Variants in STAG1 observed in about 807,000 individuals in gnomAD.
The protein encoded by STAG1 is STAG1 cohesin complex component.
A neutral mutation model predicts 170.9 loss-of-function variants in STAG1; 26 were observed. That is an observed-to-expected ratio of 0.15 (90% CI 0.11 to 0.21). STAG1 has a LOEUF of 0.21. Ranked by LOEUF, STAG1 falls within the 10% of genes least tolerant of loss-of-function variation. The pLI is 1.00. For missense variants in STAG1, 964 were observed against 1,509.5 expected (o/e 0.64, Z 5.99); for synonymous variants, 514 against 497.7 (o/e 1.03, Z -0.44).
At chr3:136,663,283 T>C (rs929751459) in intron 1 of STAG1, among the ~76,000 whole-genome samples, 10 of 152,172 alleles carry the variant, frequency 6.6e-5, no homozygotes, top group African/African-American at 1.9e-4. Context: ...TCCTAAGAAC[T>C]TTCTTTATAT....
chr3:136,339,576 C>A (rs1016658568), intron 32 of STAG1, among the ~76,000 whole-genome samples: 1 of 152,128 alleles, frequency 6.6e-6, no homozygotes, highest in African/African-American at 2.4e-5. Flanking sequence ...TTTATTATGG[C>A]AGCCTTAGAA....
At chr3:136,460,330 G>A (rs1040756988) in intron 13 of STAG1, among the ~76,000 whole-genome samples, 4 of 152,112 alleles carry the variant, frequency 2.6e-5, no homozygotes, top group East Asian at 3.8e-4. Flanking sequence ...TGCCGGGCAC[G>A]GTGGCTCACG....
At chr3:136,424,854 C>G (rs927057931) in intron 16 of STAG1, among the ~76,000 whole-genome samples, 2 of 151,902 alleles carry the variant, frequency 1.3e-5, no homozygotes, top group African/African-American at 4.8e-5. Context: ...TTCATTATTT[C>G]TTTTTTGATG....
chr3:136,337,716 T>TGTG lies in STAG1; in HGVS notation c.*535_*537dup, dbSNP rs1935749578. The TGTG allele has an allele frequency of 6.5e-6, 1 of 152,726 alleles. No homozygotes were observed. The highest frequency in any genetic ancestry group is 1.5e-5 in the Non-Finnish European group (1 of 68,094). The allele number at this position is 152,726 out of a possible 1,614,324, so 9.5% of individuals were successfully genotyped here. A position where few individuals can be genotyped will look rare whatever the true frequency, so the allele number is the denominator to read the frequency against. On this transcript the variant is annotated 3_prime_UTR_variant, in exon 34 of 34. Coordinates refer to ENST00000383202, the MANE Select transcript of STAG1 (RefSeq NM_005862.3). Reference sequence around the variant, plus strand: ...GTCAATGTTCTGCTCCTTCATTATTTGTGTTCCACAAAGGTCAACCAAATC... The same window carrying TGTG: ...GTCAATGTTCTGCTCCTTCATTATTTGTGGTGTTCCACAAAGGTCAACCAAATC...
intron 5 of STAG1, among the ~76,000 whole-genome samples, chr3:136,556,507 C>A (rs1261402109): frequency 6.6e-6 from 1 of 152,126 alleles, no homozygotes; most frequent in Admixed American, 6.6e-5. Context: ...TGCTAACATA[C>A]ATACAGATTC....
In STAG1 at chr3:136,484,251, G is replaced by T. The variant is rs182233391; in HGVS notation, c.903-6839C>A. Among the ~76,000 whole-genome samples, 251 of 152,130 alleles carry T rather than the reference G, an allele frequency of 1.6e-3. 3 individuals carry two copies. The East Asian group carries it at 0.043, about 26-fold the overall frequency. On this transcript the variant is annotated intron_variant, in intron 9 of 33. Coordinates refer to ENST00000383202, the MANE Select transcript of STAG1 (RefSeq NM_005862.3). ...TTTGATGATGGTGATGTACAGATGG[G>T]TTTTCTGTTAGATGTCCTTTCTGGT... is the stretch of plus-strand genomic sequence containing the variant.
At chr3:136,734,960 G>A (rs540917744) in intron 1 of STAG1, among the ~76,000 whole-genome samples, 1 of 151,986 alleles carries the variant, frequency 6.6e-6, no homozygotes, top group Non-Finnish European at 1.5e-5. Flanking sequence ...CAGTGAACTC[G>A]TCCTCTCCAC....
intron 1 of STAG1, among the ~76,000 whole-genome samples, chr3:136,681,675 T>A (rs2107887426): frequency 6.6e-6 from 1 of 152,250 alleles, no homozygotes; most frequent in Middle Eastern, 3.4e-3. Flanking sequence ...CAACCTCATA[T>A]TAAAAAGACT....
At chr3:136,554,732 A>G (rs1936539454) in intron 5 of STAG1, among the ~76,000 whole-genome samples, 1 of 152,038 alleles carries the variant, frequency 6.6e-6, no homozygotes, top group Admixed American at 6.6e-5. Flanking sequence ...GTCTCTAAAA[A>G]AGAAAAAAGA....
At chr3:136,731,844 T>A (rs539731521) in intron 1 of STAG1, among the ~76,000 whole-genome samples, 1 of 152,132 alleles carries the variant, frequency 6.6e-6, no homozygotes. Flanking sequence ...TATCTAAATA[T>A]CAACATTTTA....
chr3:136,595,550 G>A lies in STAG1; in HGVS notation c.297+8759C>T, dbSNP rs576702730. On this transcript the variant is annotated intron_variant, in intron 4 of 33. Coordinates refer to ENST00000383202, the MANE Select transcript of STAG1 (RefSeq NM_005862.3). The stretch of plus-strand genomic sequence containing the variant: ...CTACTGAAAATACAAAACTGCGGGC[G>A]CCTGCAGTCCCAGCTGCTCAGGAGG... Among the ~76,000 whole-genome samples the A allele has an allele frequency of 3.5e-4, 53 of 151,918 alleles. 1 individual carries two copies. The highest frequency in any genetic ancestry group is 1.1e-3 in the African/African-American group (47 of 41,448).
intron 13 of STAG1, among the ~76,000 whole-genome samples, chr3:136,462,131 G>T (rs975920649): frequency 6.6e-6 from 1 of 152,038 alleles, no homozygotes; most frequent in Non-Finnish European, 1.5e-5. Context: ...GTGGAAAACA[G>T]TATGGAAGTT....
chr3:136,399,450 C>T (rs937083822), intron 21 of STAG1, among the ~76,000 whole-genome samples: 2 of 152,028 alleles, frequency 1.3e-5, no homozygotes, highest in Admixed American at 6.5e-5. Flanking sequence ...TAGTTTTTTA[C>T]GCATATCGTT....
At chr3:136,663,713 C>G (rs942022327) in intron 1 of STAG1, among the ~76,000 whole-genome samples, 2 of 152,134 alleles carry the variant, frequency 1.3e-5, no homozygotes, top group East Asian at 3.8e-4. Flanking sequence ...TACAAATGTA[C>G]TCTTTGTTCC....
At chr3:136,693,338 A>G (rs1020736309) in intron 1 of STAG1, among the ~76,000 whole-genome samples, 13 of 152,212 alleles carry the variant, frequency 8.5e-5, no homozygotes, top group Admixed American at 6.5e-5. Flanking sequence ...TGTCTACAAG[A>G]ATAGTCAGAA....
chr3:136,690,776 T>C (rs1362716209), intron 1 of STAG1, among the ~76,000 whole-genome samples: 2 of 151,998 alleles, frequency 1.3e-5, no homozygotes, highest in Non-Finnish European at 2.9e-5. Flanking sequence ...TGTGTTGTTA[T>C]GATGTAAATT....
At chr3:136,488,465 T>G (rs1020903917) in intron 9 of STAG1, among the ~76,000 whole-genome samples, 2 of 152,244 alleles carry the variant, frequency 1.3e-5, no homozygotes, top group African/African-American at 4.8e-5. Context: ...AGTAATTTGT[T>G]ACATGGCAAA....
At chr3:136,534,319 A>T (rs1228301827) in intron 6 of STAG1, among the ~76,000 whole-genome samples, 1 of 152,230 alleles carries the variant, frequency 6.6e-6, no homozygotes, top group Non-Finnish European at 1.5e-5. Flanking sequence ...AACACAGGAA[A>T]AACAATTCAG....
chr3:136,558,406 T>A (rs1164000099), intron 5 of STAG1, among the ~76,000 whole-genome samples: 2 of 151,930 alleles, frequency 1.3e-5, no homozygotes, highest in African/African-American at 4.8e-5. Flanking sequence ...TAAAATAAAA[T>A]AAAAATCTTA....
Sources: gnomAD v4.1 joint callset for allele counts (sites outside exome capture counted in the v4.1 genomes callset) on GRCh38, gnomAD v4.1.1 for gene constraint, MANE v1.5 for transcripts, NCBI Gene and HGNC (gene_info 2026-07-23, HGNC 2026-07-21) for gene names.